The following DCC variants were observed in gnomAD, a reference collection of about 807,000 sequenced individuals.
The protein encoded by DCC is DCC netrin 1 receptor.
DCC carries 58 observed loss-of-function variants against 172.5 expected under a neutral mutation model. That is an observed-to-expected ratio of 0.34 (90% CI 0.27 to 0.42). DCC has a LOEUF of 0.42. Among genes scored for constraint, DCC ranks in the 10% least tolerant of loss-of-function variants. The pLI, the probability that DCC is intolerant of heterozygous loss-of-function variation, is 1.00. For missense variants in DCC, 1,740 were observed against 1,791.0 expected (o/e 0.97, Z 0.51); for synonymous variants, 709 against 644.5 (o/e 1.10, Z -1.52).
intron 8 of DCC, among the ~76,000 whole-genome samples, chr18:53,174,911 G>A (rs2055067303): frequency 6.6e-6 from 1 of 152,138 alleles, no homozygotes; most frequent in South Asian, 2.1e-4. Context: ...GATGAACATT[G>A]ATGCAAAAAT....
chr18:52,393,123 A>C (rs962775051), intron 1 of DCC, among the ~76,000 whole-genome samples: 2 of 152,088 alleles, frequency 1.3e-5, no homozygotes, highest in Non-Finnish European at 2.9e-5. Flanking sequence ...GCAGGCACTG[A>C]CCACAGGTAC....
At chr18:53,480,507 A>G in intron 25 of DCC, among the ~76,000 whole-genome samples, 1 of 152,182 alleles carries the variant, frequency 6.6e-6, no homozygotes, top group East Asian at 1.9e-4. Flanking sequence ...ATTTTCCTCT[A>G]TCTTAATGCA....
intron 1 of DCC, among the ~76,000 whole-genome samples, chr18:52,661,179 G>A (rs549675241): frequency 5.5e-4 from 84 of 152,268 alleles, no homozygotes; most frequent in Non-Finnish European, 9.8e-4. Context: ...AGTAAGTGTG[G>A]GCTGTAGTAC....
intron 9 of DCC, among the ~76,000 whole-genome samples, chr18:53,192,494 G>A (rs2055380663): frequency 6.6e-6 from 1 of 152,136 alleles, no homozygotes; most frequent in Non-Finnish European, 1.5e-5. Flanking sequence ...AAGTTTGGAG[G>A]AGTTAAGCTA....
chr18:52,447,118 C>A (rs529565576), intron 1 of DCC, among the ~76,000 whole-genome samples: 1 of 152,318 alleles, frequency 6.6e-6, no homozygotes, highest in Non-Finnish European at 1.5e-5. Context: ...ATATTTCTTA[C>A]AGATAAGACA....
chr18:53,103,178 G>A (rs2043197372), intron 7 of DCC, among the ~76,000 whole-genome samples: 1 of 151,872 alleles, frequency 6.6e-6, no homozygotes, highest in Non-Finnish European at 1.5e-5. Flanking sequence ...AAGAATCATA[G>A]AACCTGACAT....
chr18:52,995,258 G>A (rs1440924180), intron 5 of DCC, among the ~76,000 whole-genome samples: 1 of 152,056 alleles, frequency 6.6e-6, no homozygotes, highest in Non-Finnish European at 1.5e-5. Context: ...ATTCCTTAGT[G>A]TTTTGTGGCA....
intron 2 of DCC, among the ~76,000 whole-genome samples, chr18:52,850,538 T>A (rs1456464335): frequency 6.6e-6 from 1 of 152,122 alleles, no homozygotes; most frequent in Admixed American, 6.6e-5. Context: ...TACTATTTGC[T>A]CTAAGTGAAC....
chr18:53,044,132 C>G (rs1326570968), intron 5 of DCC, among the ~76,000 whole-genome samples: 2 of 151,840 alleles, frequency 1.3e-5, no homozygotes, highest in African/African-American at 2.4e-5. Flanking sequence ...CTTCTCCTTT[C>G]AAAGGGACAA....
At chr18:53,359,073 G>T (rs1205692296) in intron 15 of DCC, among the ~76,000 whole-genome samples, 3 of 152,126 alleles carry the variant, frequency 2.0e-5, no homozygotes, top group African/African-American at 4.8e-5. Context: ...GTATAAGACT[G>T]CAGAGTCAAG....
intron 27 of DCC, among the ~76,000 whole-genome samples, chr18:53,499,772 T>C (rs1167116374): frequency 6.6e-6 from 1 of 152,192 alleles, no homozygotes; most frequent in East Asian, 1.9e-4. Flanking sequence ...ATTTTTAATA[T>C]GTGCTATAGG....
intron 5 of DCC, among the ~76,000 whole-genome samples, chr18:52,960,677 T>G (rs1339749452): frequency 6.6e-6 from 1 of 152,128 alleles, no homozygotes; most frequent in Non-Finnish European, 1.5e-5. Context: ...TTCCTTGTAC[T>G]CTTTACTGAC....
At chr18:53,101,803 C>CTGTGTGTG (rs140007932) in intron 7 of DCC, among the ~76,000 whole-genome samples, 63 of 141,642 alleles carry the variant, frequency 4.4e-4, no homozygotes, top group African/African-American at 1.7e-3. Flanking sequence ...TACCACTGGG[C>CTGTGTGTG]TGTGTGTGTG....
At chr18:52,462,615 C>T (rs1449487506) in intron 1 of DCC, among the ~76,000 whole-genome samples, 1 of 152,162 alleles carries the variant, frequency 6.6e-6, no homozygotes, top group African/African-American at 2.4e-5. Context: ...ACAATCCTCT[C>T]CCAGATACAG....
intron 5 of DCC, among the ~76,000 whole-genome samples, chr18:52,952,461 C>CTTA (rs1216343065): frequency 1.3e-5 from 2 of 152,120 alleles, no homozygotes; most frequent in African/African-American, 4.8e-5. Flanking sequence ...TTCTTATCTA[C>CTTA]TTATATTCCA....
chr18:52,408,253 T>C (rs1986721836), intron 1 of DCC, among the ~76,000 whole-genome samples: 1 of 152,038 alleles, frequency 6.6e-6, no homozygotes, highest in African/African-American at 2.4e-5. Context: ...TTTTAAGAAC[T>C]GAAATGAGAT....
intron 1 of DCC, among the ~76,000 whole-genome samples, chr18:52,375,862 A>G (rs2144310775): frequency 6.6e-6 from 1 of 152,324 alleles, no homozygotes; most frequent in South Asian, 2.1e-4. Flanking sequence ...ACCCCAGGCT[A>G]GAAAAAGTTT....
intron 2 of DCC, among the ~76,000 whole-genome samples, chr18:52,778,693 T>C (rs9955775): frequency 0.053 from 8,095 of 152,248 alleles, 291 homozygotes; most frequent in South Asian, 0.16. Context: ...TCTTTTCTCG[T>C]CATTAAAGTC....
intron 1 of DCC, among the ~76,000 whole-genome samples, chr18:52,502,841 C>A (rs1419898263): frequency 6.6e-6 from 1 of 152,214 alleles, no homozygotes; most frequent in African/African-American, 2.4e-5. Context: ...GAAGTGCATT[C>A]AGTGACATCG....
Sources: allele counts gnomAD v4.1 joint callset (sites outside exome capture counted in the v4.1 genomes callset), GRCh38; gene constraint gnomAD v4.1.1; transcripts MANE v1.5; gene names NCBI Gene and HGNC (gene_info 2026-07-23, HGNC 2026-07-21).